The following TBC1D12 variants were observed in gnomAD, a reference collection of about 807,000 sequenced individuals.
TBC1D12 encodes the protein TBC1 domain family, member 12.
TBC1D12 carries 56 observed loss-of-function variants against 86.7 expected under a neutral mutation model. The observed-to-expected ratio is 0.65, with a 90% CI of 0.52 to 0.81. TBC1D12 has a LOEUF of 0.81. Among genes scored for constraint, TBC1D12 ranks in the 30% least tolerant of loss-of-function variants. The pLI is 0.00. For missense variants in TBC1D12, 1,023 were observed against 1,038.8 expected, an observed-to-expected ratio of 0.98 and a Z score of 0.21; for synonymous variants, 421 against 411.7, an observed-to-expected ratio of 1.02 and a Z score of -0.27.
chr10:94,454,183 A>G (rs1159225323), intron 2 of TBC1D12, among the ~76,000 whole-genome samples: 1 of 152,190 alleles, frequency 6.6e-6, no homozygotes, highest in Non-Finnish European at 1.5e-5. Context: ...TGTTGAATCT[A>G]TAGATCAAGT....
chr10:94,481,485 T>A (rs544296917), intron 3 of TBC1D12, among the ~76,000 whole-genome samples: 1 of 152,356 alleles, frequency 6.6e-6, no homozygotes, highest in South Asian at 2.1e-4. Context: ...GCTTTTTTCC[T>A]TAAACTTCAT....
Position 94,535,361 on chromosome 10 carries a change from A to G in TBC1D12, c.*2265A>G, listed in dbSNP as rs914412886. On this transcript the variant is annotated 3_prime_UTR_variant, in exon 13 of 13. Transcript: ENST00000225235. Reference sequence around the variant, plus strand: ...GATTTACAGTGTGTTTTTATGTTGCAGTTTAGTTTGAAACAACACTTAAGC... The same window carrying G: ...GATTTACAGTGTGTTTTTATGTTGCGGTTTAGTTTGAAACAACACTTAAGC... 3.3e-5 allele frequency: 5 copies of G among 152,194 alleles called. No individual in the cohort carries two copies. The highest frequency in any genetic ancestry group is 3.3e-4 in the Admixed American group (5 of 15,276). The allele number at this position is 152,194 out of a possible 1,614,324, so 9.4% of individuals were successfully genotyped here. A position where few individuals can be genotyped will look rare whatever the true frequency, so the allele number is the denominator to read the frequency against.
At chr10:94,476,253 T>C (rs1325615616) in intron 3 of TBC1D12, among the ~76,000 whole-genome samples, 1 of 152,196 alleles carries the variant, frequency 6.6e-6, no homozygotes, top group Non-Finnish European at 1.5e-5. Flanking sequence ...GCATAGAATA[T>C]TTTTTGGACA....
chr10:94,511,095 CTTTTTTTT>C (rs3053917), intron 8 of TBC1D12, among the ~76,000 whole-genome samples: 2 of 66,828 alleles, frequency 3.0e-5, no homozygotes, highest in African/African-American at 5.9e-5. Context: ...GTAAATATTT[CTTTTTTTT>C]TTTTTTTTTT....
rs548771488 is a variant in TBC1D12, at chr10:94,432,682, GT to G, written c.972-9207del. Among the ~76,000 whole-genome samples, 9 of 151,664 alleles carry G rather than the reference GT, an allele frequency of 5.9e-5. No individual in the cohort carries two copies. The East Asian group carries it at 1.7e-3, about 29-fold the overall frequency. On this transcript the variant is annotated intron_variant, in intron 1 of 12. Coordinates refer to ENST00000225235, the MANE Select transcript of TBC1D12 (RefSeq NM_015188.2). ...AATTTAAGTTATTTGGCTTTGGCTT[GT>G]TTTTTTATGATTTAACAAGAATTTA...
At chr10:94,499,925 G>A (rs2056372276) in intron 5 of TBC1D12, among the ~76,000 whole-genome samples, 1 of 152,052 alleles carries the variant, frequency 6.6e-6, no homozygotes, top group East Asian at 1.9e-4. Context: ...ACATTTTTAT[G>A]TCCCTTTTAT....
At chr10:94,528,743 A>AC (rs1275845974) in intron 11 of TBC1D12, among the ~76,000 whole-genome samples, 2 of 151,172 alleles carry the variant, frequency 1.3e-5, no homozygotes, top group Admixed American at 1.3e-4. Context: ...AATCTCTTGA[A>AC]CCCGGGAGGC....
chr10:94,455,544 A>G (rs1365636599), intron 2 of TBC1D12, among the ~76,000 whole-genome samples: 2 of 152,202 alleles, frequency 1.3e-5, no homozygotes, highest in Non-Finnish European at 2.9e-5. Context: ...GAAGATTATT[A>G]ATTATTGATT....
intron 9 of TBC1D12, among the ~76,000 whole-genome samples, chr10:94,518,899 A>T (rs1287941875): frequency 6.6e-6 from 1 of 151,936 alleles, no homozygotes; most frequent in Non-Finnish European, 1.5e-5. Context: ...ACATGGTAAA[A>T]CCCCGTCACT....
intron 11 of TBC1D12, among the ~76,000 whole-genome samples, chr10:94,530,230 A>G (rs577482528): frequency 1.3e-5 from 2 of 152,300 alleles, no homozygotes; most frequent in East Asian, 3.9e-4. Flanking sequence ...TACTCTCCCC[A>G]CTTCCCCCAA....
Position 94,497,182 on chromosome 10 carries a change from C to G in TBC1D12, c.1412+10C>G. 6.9e-7 allele frequency: 1 copy of G among 1,454,288 alleles called. No individual in the cohort carries two copies. The allele number at this position is 1,454,288 out of a possible 1,614,324, so 90.1% of individuals were successfully genotyped here. Reference sequence around the variant, plus strand: ...CCAATTGGGAAGTAATGTAAGTAAGCAGACTTTTCCTAAATTCCCATTTGT... The same window carrying G: ...CCAATTGGGAAGTAATGTAAGTAAGGAGACTTTTCCTAAATTCCCATTTGT... On this transcript the variant is annotated intron_variant, in intron 5 of 12. Coordinates refer to ENST00000225235, the MANE Select transcript of TBC1D12 (RefSeq NM_015188.2).
intron 1 of TBC1D12, among the ~76,000 whole-genome samples, chr10:94,437,998 T>C (rs2055328805): frequency 7.0e-6 from 1 of 143,776 alleles, no homozygotes; most frequent in Non-Finnish European, 1.5e-5. Context: ...GAGCTTTTTT[T>C]TTTTTTTTTT....
intron 1 of TBC1D12, among the ~76,000 whole-genome samples, chr10:94,408,836 C>T (rs2054890792): frequency 6.6e-6 from 1 of 152,132 alleles, no homozygotes; most frequent in Non-Finnish European, 1.5e-5. Context: ...ATTTTAAAAG[C>T]TCCCCAAAGT....
intron 2 of TBC1D12, among the ~76,000 whole-genome samples, chr10:94,444,700 T>C (rs1319394431): frequency 6.6e-6 from 1 of 152,120 alleles, no homozygotes; most frequent in Admixed American, 6.5e-5. Flanking sequence ...TAATCTGCTA[T>C]TTTCATTTCG....
intron 1 of TBC1D12, among the ~76,000 whole-genome samples, chr10:94,414,636 G>A (rs2054974746): frequency 7.3e-6 from 1 of 136,498 alleles, no homozygotes; most frequent in African/African-American, 2.8e-5. Context: ...GTCTCGCTCT[G>A]TCTCTCGGTC....
chr10:94,451,427 A>T (rs1257117775), intron 2 of TBC1D12, among the ~76,000 whole-genome samples: 1 of 152,146 alleles, frequency 6.6e-6, no homozygotes, highest in East Asian at 1.9e-4. Flanking sequence ...TTGGATGATT[A>T]GAACTACCTA....
intron 6 of TBC1D12, among the ~76,000 whole-genome samples, chr10:94,504,940 GTGT>G (rs2056442148): frequency 6.6e-6 from 1 of 152,174 alleles, no homozygotes; most frequent in Non-Finnish European, 1.5e-5. Context: ...AGCAAAGTAA[GTGT>G]GACATGAGGA....
chr10:94,492,269 A>G lies in TBC1D12; in HGVS notation c.1212-1096A>G, dbSNP rs116158638. On this transcript the variant is annotated intron_variant, in intron 3 of 12. Transcript: ENST00000225235. ...AGGCATCCACTGGAGGTCTTGGAACATAACTCCTAAGGATAAGGGGGGACT... is the reference window on the plus strand; with the variant it reads ...AGGCATCCACTGGAGGTCTTGGAACGTAACTCCTAAGGATAAGGGGGGACT... Among the ~76,000 whole-genome samples the G allele has an allele frequency of 4.5e-3, 681 of 152,336 alleles. 6 individuals carry two copies. Among genetic ancestry groups the G allele is most frequent in the African/African-American group, 0.015 (632 of 41,584 alleles).
chr10:94,465,831 T>C (rs536754383), intron 2 of TBC1D12, among the ~76,000 whole-genome samples: 28 of 151,362 alleles, frequency 1.8e-4, no homozygotes, highest in African/African-American at 6.5e-4. Context: ...CATATACGTA[T>C]ACGCATACAT....
Sources: allele counts gnomAD v4.1 joint callset (sites outside exome capture counted in the v4.1 genomes callset), GRCh38; gene constraint gnomAD v4.1.1; transcripts MANE v1.5; gene names NCBI Gene and HGNC (gene_info 2026-07-23, HGNC 2026-07-21).